The following IQGAP2 variants were observed in gnomAD, a reference collection of about 807,000 sequenced individuals.
IQGAP2 encodes IQ motif containing GTPase activating protein 2.
Under a neutral mutation model 201.3 loss-of-function variants are expected in IQGAP2, and 173 were observed. The ratio of observed to expected loss-of-function variants is 0.86; its 90% CI spans 0.76 to 0.98. The LOEUF (loss-of-function observed/expected upper bound fraction) is 0.98, where lower values mean the gene tolerates loss of function less well. IQGAP2 is among the 50% of genes least tolerant of loss of function. The pLI, the probability that IQGAP2 is intolerant of heterozygous loss-of-function variation, is 0.00. For synonymous variants in IQGAP2, 675 were observed against 673.9 expected (o/e 1.00, Z -0.03); for missense variants, 1,687 against 1,864.8 (o/e 0.90, Z 1.76).
chr5:76,560,259 C>A (rs1265700094), intron 2 of IQGAP2, among the ~76,000 whole-genome samples: 1 of 151,910 alleles, frequency 6.6e-6, no homozygotes, highest in Non-Finnish European at 1.5e-5. Context: ...CTCAAGCAAT[C>A]CCCCTACCTC....
rs1413952713 is a variant in IQGAP2 at position 76,658,527 on chromosome 5, G to C, written c.2389G>C (p.Asp797His). ...FVYLLDQSDL[D>H]FQEELEVARL... ...ATACCTGCTGGACCAAAGTGATTTG[G>C]ATTTCCAGGAGGAACTAGAGGTTGC... Residue 797 changes from aspartate (D) to histidine (H), a missense_variant, in exon 21 of 36, where the codon GAT becomes CAT. Physicochemically the swap from Asp to His is moderately conservative, Grantham distance 81. Transcript: ENST00000274364. 3.7e-6 allele frequency: 6 copies of C among 1,613,944 alleles called. No individual in the cohort carries two copies. Among genetic ancestry groups the C allele is most frequent in the Non-Finnish European group, 5.1e-6 (6 of 1,180,002 alleles).
At chr5:76,424,286 C>T (rs749359641) in intron 1 of IQGAP2, among the ~76,000 whole-genome samples, 130 of 152,012 alleles carry the variant, frequency 8.6e-4, no homozygotes, top group Non-Finnish European at 1.6e-3. Context: ...ACCTTTTTTT[C>T]CCTAACAGAT....
At chr5:76,619,088 A>C (rs1258420536) in intron 13 of IQGAP2, among the ~76,000 whole-genome samples, 1 of 152,244 alleles carries the variant, frequency 6.6e-6, no homozygotes, top group Non-Finnish European at 1.5e-5. Flanking sequence ...GGACAGAAGC[A>C]TAGTGTGGGC....
chr5:76,626,890 G>C (rs934626625), intron 13 of IQGAP2, among the ~76,000 whole-genome samples: 2 of 152,152 alleles, frequency 1.3e-5, no homozygotes, highest in African/African-American at 4.8e-5. Flanking sequence ...ATTGTGGTCT[G>C]AAAGAGACTC....
chr5:76,631,544 A>T (rs1006688265), intron 14 of IQGAP2, among the ~76,000 whole-genome samples: 20 of 152,198 alleles, frequency 1.3e-4, no homozygotes, highest in African/African-American at 4.3e-4. Flanking sequence ...TTACAGCTAC[A>T]TATCTATGTT....
At chr5:76,441,645 C>A in intron 1 of IQGAP2, 1 of 312,232 alleles carries the variant, frequency 3.2e-6, no homozygotes, top group Non-Finnish European at 4.7e-6. Flanking sequence ...TACCTTTGAT[C>A]TCCTATGCTG....
intron 13 of IQGAP2, 86 bp downstream of exon 13, chr5:76,611,269 T>TGGGTC: frequency 1.1e-6 from 1 of 950,172 alleles, no homozygotes; most frequent in Non-Finnish European, 1.6e-6. Context: ...CCATTTACGT[T>TGGGTC]AAATCTCATG....
At chr5:76,461,822 G>A (rs1456572431) in intron 2 of IQGAP2, among the ~76,000 whole-genome samples, 153 bp downstream of exon 2, 1 of 152,188 alleles carries the variant, frequency 6.6e-6, no homozygotes, top group African/African-American at 2.4e-5. Context: ...ATTCTTGCCT[G>A]CACTCAGTGA....
At chr5:76,680,013 A>G (rs1177151774) in intron 28 of IQGAP2, among the ~76,000 whole-genome samples, 1 of 151,876 alleles carries the variant, frequency 6.6e-6, no homozygotes, top group East Asian at 1.9e-4. Context: ...TTTGTTAACA[A>G]CTCTCCATGT....
intron 31 of IQGAP2, 133 bp downstream of exon 31, chr5:76,693,575 T>G: frequency 1.6e-6 from 1 of 634,944 alleles, no homozygotes; most frequent in Non-Finnish European, 2.8e-6. Flanking sequence ...TATCTATTAC[T>G]GCAGTGGACT....
intron 2 of IQGAP2, among the ~76,000 whole-genome samples, chr5:76,555,833 C>T (rs535282938): frequency 6.6e-6 from 1 of 152,228 alleles, no homozygotes; most frequent in Admixed American, 6.5e-5. Context: ...GAGGTTTATC[C>T]ATGGGAGGTT....
chr5:76,405,214 G>A (rs1750729491), intron 1 of IQGAP2, among the ~76,000 whole-genome samples: 1 of 152,200 alleles, frequency 6.6e-6, no homozygotes, highest in Non-Finnish European at 1.5e-5. Flanking sequence ...CCCTGCATGT[G>A]CATCTGTGAT....
chr5:76,624,633 A>G (rs1043023871), intron 13 of IQGAP2: 12 of 152,186 alleles, frequency 7.9e-5, no homozygotes, highest in Non-Finnish European at 1.8e-4. Flanking sequence ...TAAATTCAGG[A>G]ATTTATGACT....
intron 11 of IQGAP2, among the ~76,000 whole-genome samples, chr5:76,601,743 C>G (rs1271265086): frequency 6.6e-6 from 1 of 152,174 alleles, no homozygotes; most frequent in Non-Finnish European, 1.5e-5. Flanking sequence ...TTGGCTAATT[C>G]TCTTGGGTCA....
At chr5:76,445,797 G>T (rs147845780) in intron 1 of IQGAP2, among the ~76,000 whole-genome samples, 173 of 152,218 alleles carry the variant, frequency 1.1e-3, no homozygotes, top group African/African-American at 2.7e-3. Context: ...CGTCTCTGTG[G>T]CATTAAGTAC....
chr5:76,681,229 C>T (rs1745266496), intron 28 of IQGAP2, among the ~76,000 whole-genome samples: 2 of 151,080 alleles, frequency 1.3e-5, no homozygotes, highest in Admixed American at 1.3e-4. Context: ...AAACATAATC[C>T]AATTTAAATA....
intron 3 of IQGAP2, among the ~76,000 whole-genome samples, chr5:76,564,426 G>A (rs1744595983): frequency 6.6e-6 from 1 of 152,168 alleles, no homozygotes; most frequent in South Asian, 2.1e-4. Context: ...TTTTCTTTTG[G>A]CTTTCATGAA....
intron 33 of IQGAP2, among the ~76,000 whole-genome samples, chr5:76,698,551 C>T (rs1356410434): frequency 1.3e-5 from 2 of 152,100 alleles, no homozygotes; most frequent in Admixed American, 1.3e-4. Context: ...TTGCACAGAG[C>T]AGCTGAATGT....
At chr5:76,466,698 T>G (rs2150130827) in intron 2 of IQGAP2, among the ~76,000 whole-genome samples, 1 of 152,304 alleles carries the variant, frequency 6.6e-6, no homozygotes. Flanking sequence ...ATACAAACAT[T>G]TTCTTAAAAT....
Sources: allele counts gnomAD v4.1 joint callset (sites outside exome capture counted in the v4.1 genomes callset), GRCh38; gene constraint gnomAD v4.1.1; transcripts MANE v1.5; gene names NCBI Gene and HGNC (gene_info 2026-07-23, HGNC 2026-07-21).